The following GALNT17 variants were observed in gnomAD, a reference collection of about 807,000 sequenced individuals.
The protein encoded by GALNT17 is UDP-GalNAc:polypeptide N-acetylgalactosaminyltransferase-like 3.
In GALNT17, 29 loss-of-function variants were observed where a neutral mutation model predicts 63.7. That is an observed-to-expected ratio of 0.46 (90% CI 0.34 to 0.62). GALNT17 has a LOEUF of 0.62. GALNT17 is among the 20% of genes least tolerant of loss of function. The pLI is 0.01. For missense variants in GALNT17, 603 were observed against 799.6 expected, an observed-to-expected ratio of 0.75 and a Z score of 2.97; for synonymous variants, 305 against 318.3, an observed-to-expected ratio of 0.96 and a Z score of 0.45.
At chr7:71,209,353 A>C (rs1244525420) in intron 1 of GALNT17, among the ~76,000 whole-genome samples, 1 of 152,130 alleles carries the variant, frequency 6.6e-6, no homozygotes, top group Admixed American at 6.6e-5. Context: ...TTATCTTTTC[A>C]TATATAGGCT....
At chr7:71,426,063 T>C (rs962699686) in intron 5 of GALNT17, among the ~76,000 whole-genome samples, 7 of 152,180 alleles carry the variant, frequency 4.6e-5, no homozygotes, top group African/African-American at 1.7e-4. Flanking sequence ...ACCAAAGGGA[T>C]GGTGCTAATG....
intron 1 of GALNT17, among the ~76,000 whole-genome samples, chr7:71,316,122 G>C (rs1454617935): frequency 6.6e-6 from 1 of 150,600 alleles, no homozygotes; most frequent in Admixed American, 6.6e-5. Flanking sequence ...ACTTCCCTCT[G>C]TGCTTGCAAC....
rs781349776 is a variant in GALNT17, at chr7:71,562,129, A to T, written c.963-9156A>T. ...CACCACCATGCCTGGTTATTTTTTT[A>T]AAAAATTATTTTTGGTAGAAATACA... is the stretch of plus-strand genomic sequence containing the variant. On this transcript the variant is annotated intron_variant, in intron 5 of 10. Coordinates refer to ENST00000333538, the MANE Select transcript of GALNT17 (RefSeq NM_022479.3). Among the ~76,000 whole-genome samples the T allele has an allele frequency of 1.4e-4, 21 of 152,010 alleles. No homozygotes were observed. The South Asian group carries it at 2.1e-3, about 15-fold the overall frequency.
At chr7:71,378,041 TC>T (rs1442234183) in intron 2 of GALNT17, among the ~76,000 whole-genome samples, 2 of 152,184 alleles carry the variant, frequency 1.3e-5, no homozygotes, top group African/African-American at 4.8e-5. Flanking sequence ...TTGCTGGGGC[TC>T]CATAGACCAC....
chr7:71,441,191 T>C (rs570250473), intron 5 of GALNT17, among the ~76,000 whole-genome samples: 4 of 152,034 alleles, frequency 2.6e-5, no homozygotes, highest in Non-Finnish European at 5.9e-5. Flanking sequence ...CCCGGCTGAT[T>C]TTTGTATTTT....
At chr7:71,564,968 A>T (rs146584914) in intron 5 of GALNT17, among the ~76,000 whole-genome samples, 2 of 152,160 alleles carry the variant, frequency 1.3e-5, no homozygotes, top group African/African-American at 4.8e-5. Flanking sequence ...ACCCAGTTAC[A>T]TTAAAGTATC....
At position 71,452,136 on chromosome 7, in the gene GALNT17, G is replaced by A. The variant is rs570645514; in HGVS notation, c.962+31031G>A. On this transcript the variant is annotated intron_variant, in intron 5 of 10. Coordinates refer to ENST00000333538, the MANE Select transcript of GALNT17 (RefSeq NM_022479.3). ...CGCACACCTGTAGTCCCAGCTTCTT[G>A]GGAGTCTGAGATGGGAGGATCACTT... 5.9e-5 allele frequency among the ~76,000 whole-genome samples: 9 copies of A among 152,170 alleles called. No individual in the cohort carries two copies. The South Asian group carries it at 1.9e-3, about 32-fold the overall frequency.
intron 1 of GALNT17, among the ~76,000 whole-genome samples, chr7:71,271,411 C>T (rs1176506257): frequency 2.0e-5 from 3 of 152,134 alleles, no homozygotes; most frequent in East Asian, 3.9e-4. Flanking sequence ...CCAGTGGCCA[C>T]GTGGCTCCCT....
At chr7:71,394,708 A>C (rs1172573794) in intron 3 of GALNT17, among the ~76,000 whole-genome samples, 1 of 152,186 alleles carries the variant, frequency 6.6e-6, no homozygotes, top group Non-Finnish European at 1.5e-5. Flanking sequence ...TATCACAGTC[A>C]TAATACTTGA....
intron 6 of GALNT17, among the ~76,000 whole-genome samples, chr7:71,645,430 C>T (rs775304245): frequency 1.3e-4 from 20 of 152,328 alleles, no homozygotes; most frequent in Non-Finnish European, 2.5e-4. Context: ...TCCTCCTACA[C>T]ACCCTCTCTC....
At chr7:71,538,731 C>T (rs905341713) in intron 5 of GALNT17, among the ~76,000 whole-genome samples, 2 of 152,062 alleles carry the variant, frequency 1.3e-5, no homozygotes, top group Non-Finnish European at 2.9e-5. Flanking sequence ...TCTCTGAGCT[C>T]AGGAGCTGAG....
intron 2 of GALNT17, among the ~76,000 whole-genome samples, chr7:71,362,385 T>C (rs746636898): frequency 6.6e-6 from 1 of 152,168 alleles, no homozygotes; most frequent in Non-Finnish European, 1.5e-5. Flanking sequence ...TTACACCAAA[T>C]GTACTTAACA....
At chr7:71,591,345 C>T (rs1256540859) in intron 6 of GALNT17, among the ~76,000 whole-genome samples, 2 of 152,108 alleles carry the variant, frequency 1.3e-5, no homozygotes, top group African/African-American at 2.4e-5. Context: ...CGTGAGCCAC[C>T]ACCACGCCTG....
At chr7:71,640,252 C>A (rs998553931) in intron 6 of GALNT17, among the ~76,000 whole-genome samples, 1 of 152,112 alleles carries the variant, frequency 6.6e-6, no homozygotes, top group Non-Finnish European at 1.5e-5. Flanking sequence ...CTCTTTGGTT[C>A]GATTTTCCCT....
chr7:71,347,674 G>C (rs1003009057), intron 2 of GALNT17, among the ~76,000 whole-genome samples: 5 of 152,110 alleles, frequency 3.3e-5, no homozygotes, highest in Non-Finnish European at 7.4e-5. Context: ...ACAGATGCCA[G>C]GGTGATGGTG....
rs191720051 is a variant in GALNT17 at position 71,574,047 on chromosome 7, A to G, written c.1080+2645A>G. On this transcript the variant is annotated intron_variant, in intron 6 of 10. Transcript: ENST00000333538. Reference sequence around the variant, plus strand: ...TGCGTACATGTACAACACTCTCTTTACCTGTTCTGCCATTGATGGGTATTT... The same window carrying G: ...TGCGTACATGTACAACACTCTCTTTGCCTGTTCTGCCATTGATGGGTATTT... Among the ~76,000 whole-genome samples, 89 of 151,992 alleles carry G rather than the reference A, an allele frequency of 5.9e-4. 1 individual carries two copies. The East Asian group carries it at 7.9e-3, about 14-fold the overall frequency.
chr7:71,711,897 CT>C, intron 10 of GALNT17, 120 bp from the exon 11 acceptor site: 1 of 1,125,850 alleles, frequency 8.9e-7, no homozygotes. Flanking sequence ...TTTCTCTTCT[CT>C]TTTTCTTTTT....
chr7:71,483,752 A>AT (rs1464136868), intron 5 of GALNT17, among the ~76,000 whole-genome samples: 1 of 152,106 alleles, frequency 6.6e-6, no homozygotes, highest in Non-Finnish European at 1.5e-5. Context: ...AAAGGTTCTA[A>AT]TTTTTTGTAA....
intron 2 of GALNT17, among the ~76,000 whole-genome samples, chr7:71,380,497 G>A (rs367706324): frequency 2.6e-5 from 4 of 151,946 alleles, no homozygotes; most frequent in African/African-American, 9.7e-5. Context: ...TTTTTTAAAT[G>A]TTTTTGTAGC....
Sources: allele counts gnomAD v4.1 joint callset (sites outside exome capture counted in the v4.1 genomes callset), GRCh38; gene constraint gnomAD v4.1.1; transcripts MANE v1.5; gene names NCBI Gene and HGNC (gene_info 2026-07-23, HGNC 2026-07-21).